The following NRXN2 variants were observed in gnomAD, a reference collection of about 807,000 sequenced individuals.
NRXN2 encodes the protein neurexin 2, also known as neurexin-2-beta.
A neutral mutation model predicts 128.8 loss-of-function variants in NRXN2; 29 were observed. The ratio of observed to expected loss-of-function variants is 0.23; its 90% CI spans 0.17 to 0.31. The LOEUF (loss-of-function observed/expected upper bound fraction) is 0.31, where lower values mean the gene tolerates loss of function less well. Ranked by LOEUF, NRXN2 falls within the 10% of genes least tolerant of loss-of-function variation. The pLI is 1.00. For missense variants in NRXN2, 1,881 were observed against 2,452.6 expected (o/e 0.77, Z 4.92); for synonymous variants, 1,098 against 1,075.2 (o/e 1.02, Z -0.41).
Position 64,651,308 on chromosome 11 carries a change from A to C in NRXN2, c.2865T>G (p.Leu955=). Residue 955 remains leucine (L), a synonymous_variant, in exon 14 of 23, where the codon CTT becomes CTG. Transcript: ENST00000265459. This position sits in a 1 kb window ranked among gnomAD's most constrained non-coding sequence, Gnocchi z 5.9. The stretch of plus-strand genomic sequence containing the variant: ...CATTGCCGTTGCCCGAGTTGAACAG[A>C]AGAAGCCCATCAGGGGCCGTGGTCT... ...QFKTTAPDGL[L]LFNSGNGNDF... 6.2e-7 allele frequency: 1 copy of C among 1,614,180 alleles called. No homozygotes were observed. The highest frequency in any genetic ancestry group is 8.5e-7 in the Non-Finnish European group (1 of 1,180,028).
In NRXN2 at chr11:64,651,326, C is replaced by A; in HGVS notation, c.2847G>T (p.Thr949=). ...SMHLFFQFKT[T]APDGLLLFNS... is the part of the protein sequence containing the mutation. ...TGAACAGAAGAAGCCCATCAGGGGC[C>A]GTGGTCTTGAACTGGAAGAAGAGGT... Residue 949 remains threonine, a synonymous_variant, in exon 14 of 23, where the codon ACG becomes ACT. Coordinates refer to ENST00000265459, the MANE Select transcript of NRXN2 (RefSeq NM_015080.4). The surrounding 1 kb of genome is among the most constrained non-coding windows in gnomAD (Gnocchi z 5.9). 1 of 1,614,144 alleles carries A rather than the reference C, an allele frequency of 6.2e-7. No individual in the cohort carries two copies. The highest frequency in any genetic ancestry group is 8.5e-7 in the Non-Finnish European group (1 of 1,180,020).
rs141358644 is a variant in NRXN2 at position 64,651,570 on chromosome 11, C to T, written c.2603G>A (p.Arg868Gln). 30 of 1,614,004 alleles carry T rather than the reference C, an allele frequency of 1.9e-5. No homozygotes were observed. The highest frequency in any genetic ancestry group is 1.8e-4 in the South Asian group (16 of 91,080). The change falls in exon 14 of 23, where the codon CGG (arginine) becomes CAG (glutamine). Residue 868 changes from arginine to glutamine, a missense_variant. Physicochemically the swap from Arg to Gln is conservative, Grantham distance 43 (BLOSUM62 1). Transcript: ENST00000265459. The surrounding 1 kb of genome is among the most constrained non-coding windows in gnomAD (Gnocchi z 5.9). Reference protein sequence around the residue: ...HNIETGIMTERRFISVVPSNF... With the variant: ...HNIETGIMTEQRFISVVPSNF... ...GGAGGGCACCACGGAGATAAACCGCCGCTCCGTCATGATGCCCGTCTCAAT... is the reference window on the plus strand; with the variant it reads ...GGAGGGCACCACGGAGATAAACCGCTGCTCCGTCATGATGCCCGTCTCAAT...
intron 1 of NRXN2, among the ~76,000 whole-genome samples, chr11:64,716,528 G>T (rs1296078741): frequency 6.6e-6 from 1 of 152,208 alleles, no homozygotes; most frequent in Non-Finnish European, 1.5e-5. Context: ...GGAGGTGGAG[G>T]TTCTACTGGT....
At chr11:64,687,389 AG>A (rs1382093010) in intron 5 of NRXN2, among the ~76,000 whole-genome samples, 1 of 152,172 alleles carries the variant, frequency 6.6e-6, no homozygotes, top group Non-Finnish European at 1.5e-5. Context: ...CTCTCTAGGC[AG>A]GCTGCCCACA....
intron 2 of NRXN2, 101 bp downstream of exon 2, chr11:64,712,868 GC>G: frequency 1.9e-6 from 2 of 1,058,968 alleles, no homozygotes; most frequent in Non-Finnish European, 1.4e-6. Context: ...CTCGTGCCCA[GC>G]CCCCGTGCCT....
chr11:64,699,425 C>CTATTT (rs1184352839), intron 2 of NRXN2, among the ~76,000 whole-genome samples: 1 of 92,122 alleles, frequency 1.1e-5, no homozygotes, highest in African/African-American at 4.4e-5. Context: ...TAATAGTTTT[C>CTATTT]TTTTTTTTTT....
rs2135511192 is a variant in NRXN2 at position 64,667,773 on chromosome 11, G to A, written c.1360-85C>T. 1 of 1,349,106 alleles carries A rather than the reference G, an allele frequency of 7.4e-7. No homozygotes were observed. Among genetic ancestry groups the A allele is most frequent in the Non-Finnish European group, 1.0e-6 (1 of 958,264 alleles). 83.6% of individuals were successfully genotyped at this position (1,349,106 alleles called of 1,614,324 possible). A position where few individuals can be genotyped will look rare whatever the true frequency, so the allele number is the denominator to read the frequency against. On this transcript the variant is annotated intron_variant, in intron 8 of 22. Coordinates refer to ENST00000265459, the MANE Select transcript of NRXN2 (RefSeq NM_015080.4). This position sits in a 1 kb window ranked among gnomAD's most constrained non-coding sequence, Gnocchi z 5.6. ...TCCCACCCAGCAGCGAGCACCAGGG[G>A]ACCCAGCCACCCACCCCTGTAGCCC...
At chr11:64,649,818 T>G (rs1027444859) in intron 15 of NRXN2, among the ~76,000 whole-genome samples, 1 of 152,098 alleles carries the variant, frequency 6.6e-6, no homozygotes, top group Non-Finnish European at 1.5e-5. Context: ...CTGGAGAAGC[T>G]GCATCTTTCC....
At chr11:64,621,229 C>A (rs146113761) in intron 21 of NRXN2, among the ~76,000 whole-genome samples, 194 of 152,290 alleles carry the variant, frequency 1.3e-3, no homozygotes, top group African/African-American at 3.9e-3. Flanking sequence ...TGCATTCTTG[C>A]CCCCTCGGCA....
chr11:64,608,220 G>C (rs2040018725), intron 22 of NRXN2, 138 bp from the exon 23 acceptor site: 6 of 706,668 alleles, frequency 8.5e-6, no homozygotes, highest in Admixed American at 2.3e-5. Flanking sequence ...GAGCGGGCTG[G>C]GCCCGCCCGC....
chr11:64,690,663 C>T (rs577481691), intron 4 of NRXN2, among the ~76,000 whole-genome samples, 187 bp from the exon 5 acceptor site: 1 of 152,226 alleles, frequency 6.6e-6, no homozygotes, highest in South Asian at 2.1e-4. Flanking sequence ...AAACCGAGGG[C>T]GATCAGCCCC....
At chr11:64,608,173 C>A in intron 22 of NRXN2, 91 bp from the exon 23 acceptor site, 1 of 990,210 alleles carries the variant, frequency 1.0e-6, no homozygotes, top group Non-Finnish European at 1.5e-6. Context: ...CAGCCTCACA[C>A]ACCCAAATCG....
chr11:64,642,899 G>A, intron 17 of NRXN2: 1 of 1,030,866 alleles, frequency 9.7e-7, no homozygotes, highest in Non-Finnish European at 1.2e-6. Context: ...TCCGAGCTCC[G>A]GGAGCGGGGT....
At position 64,667,525 on chromosome 11, in the gene NRXN2, C is replaced by T. The variant is rs140588352; in HGVS notation, c.1523G>A (p.Arg508His). The change falls in exon 9 of 23, where the codon CGC becomes CAC. Residue 508 changes from arginine to histidine, a missense_variant. Arg to His is a conservative substitution (Grantham distance 29, BLOSUM62 0). Coordinates refer to ENST00000265459, the MANE Select transcript of NRXN2 (RefSeq NM_015080.4). This position sits in a 1 kb window ranked among gnomAD's most constrained non-coding sequence, Gnocchi z 5.6. ...GGAGCCAGTGCGCTTAGCGCTCCAG[C>T]GGGGCAGCGCCACAAAGGCCTCGGG... ...ESPEAFVALP[R>H]WSAKRTGSIS... 6.3e-4 allele frequency: 1,011 copies of T among 1,614,064 alleles called. 1 individual carries two copies. The African/African-American group carries it at 6.5e-3, about 10-fold the overall frequency.
intron 3 of NRXN2, among the ~76,000 whole-genome samples, chr11:64,696,601 G>C (rs565888038): frequency 5.6e-4 from 85 of 150,828 alleles, no homozygotes; most frequent in Non-Finnish European, 1.0e-3. Context: ...GGACCCCCAG[G>C]GAAAAGAGAC....
At chr11:64,707,721 G>C (rs939505034) in intron 2 of NRXN2, among the ~76,000 whole-genome samples, 1 of 152,212 alleles carries the variant, frequency 6.6e-6, no homozygotes, top group African/African-American at 2.4e-5. Flanking sequence ...TAAGTATAAA[G>C]TCACTGCCTG....
intron 18 of NRXN2, among the ~76,000 whole-genome samples, chr11:64,634,472 C>A (rs1225452991): frequency 6.6e-6 from 1 of 152,074 alleles, no homozygotes; most frequent in Non-Finnish European, 1.5e-5. Flanking sequence ...TAGAGTTCAA[C>A]AGGACTCAAA....
intron 6 of NRXN2, among the ~76,000 whole-genome samples, chr11:64,683,191 A>C (rs1703785480): frequency 6.6e-6 from 1 of 152,166 alleles, no homozygotes; most frequent in African/African-American, 2.4e-5. Context: ...GACAGATGTC[A>C]TTTCTCCCTG....
At chr11:64,680,699 T>A (rs1406613040) in intron 6 of NRXN2, among the ~76,000 whole-genome samples, 2 of 152,062 alleles carry the variant, frequency 1.3e-5, no homozygotes, top group Non-Finnish European at 2.9e-5. Flanking sequence ...CAGGGGCTAG[T>A]GGGGAGAGAC....
Sources: gnomAD v4.1 joint callset for allele counts (sites outside exome capture counted in the v4.1 genomes callset) on GRCh38, gnomAD v4.1.1 for gene constraint, Gnocchi (gnomAD v3.1) non-coding constraint, MANE v1.5 for transcripts, NCBI Gene and HGNC (gene_info 2026-07-23, HGNC 2026-07-21) for gene names.